The following CRMP1 variants were observed in gnomAD, a reference collection of about 807,000 sequenced individuals.
CRMP1 encodes collapsin response mediator protein 1.
CRMP1 carries 19 observed loss-of-function variants against 68.3 expected under a neutral mutation model. That is an observed-to-expected ratio of 0.28 (90% CI 0.19 to 0.41). The LOEUF (loss-of-function observed/expected upper bound fraction) is 0.41, where lower values mean the gene tolerates loss of function less well. Ranked by LOEUF, CRMP1 falls within the 10% of genes least tolerant of loss-of-function variation. The pLI, the probability that CRMP1 is intolerant of heterozygous loss-of-function variation, is 1.00. For missense variants in CRMP1, 791 were observed against 967.4 expected (o/e 0.82, Z 2.42); for synonymous variants, 439 against 399.6 (o/e 1.10, Z -1.18).
intron 9 of CRMP1, among the ~76,000 whole-genome samples, chr4:5,839,113 T>C (rs1720919580): frequency 6.6e-6 from 1 of 152,186 alleles, no homozygotes; most frequent in South Asian, 2.1e-4. Flanking sequence ...CACTGTCCCA[T>C]AGGCAGCTCT....
rs966090877 is a variant in CRMP1, at chr4:5,888,625, G to A, written c.381+3964C>T. 1.1e-6 allele frequency: 1 copy of A among 894,872 alleles called. No individual in the cohort carries two copies. Among genetic ancestry groups the A allele is most frequent in the Non-Finnish European group, 1.3e-6 (1 of 787,902 alleles). The allele number at this position is 894,872 out of a possible 1,614,324, so 55.4% of individuals were successfully genotyped here. ...CGCTTCCCTTCCGATCTCCCACCCC[G>A]CCCCCCGCCCCCCACCCGCCCAGCC... is the stretch of plus-strand genomic sequence containing the variant. On this transcript the variant is annotated intron_variant, in intron 1 of 13. Coordinates refer to ENST00000324989, the MANE Select transcript of CRMP1 (RefSeq NM_001014809.3). This position sits in a 1 kb window ranked among gnomAD's most constrained non-coding sequence, Gnocchi z 6.4.
rs1713375852 is a variant in CRMP1, at chr4:5,859,467, A to G, written c.655+1559T>C. 6.6e-6 allele frequency among the ~76,000 whole-genome samples: 1 copy of G among 152,114 alleles called. No homozygotes were observed. The highest frequency in any genetic ancestry group is 2.4e-5 in the African/African-American group (1 of 41,412). On this transcript the variant is annotated intron_variant, in intron 3 of 13. Coordinates refer to ENST00000324989, the MANE Select transcript of CRMP1 (RefSeq NM_001014809.3). This position sits in a 1 kb window ranked among gnomAD's most constrained non-coding sequence, Gnocchi z 5.2. ...TCCTGAACCCAGAACTTCCATGCCC[A>G]TCTCTCAGAACTCTCATGTCCCATG...
At chr4:5,833,531 C>T (rs1209330372) in intron 11 of CRMP1, among the ~76,000 whole-genome samples, 2 of 143,016 alleles carry the variant, frequency 1.4e-5, no homozygotes, top group South Asian at 2.2e-4. Flanking sequence ...TTTATAACAG[C>T]GTCCAGAGGA....
At position 5,879,175 on chromosome 4, in the gene CRMP1, C is replaced by T. The variant is rs1010752118; in HGVS notation, c.382-12419G>A. On this transcript the variant is annotated intron_variant, in intron 1 of 13. Transcript: ENST00000324989. This position sits in a 1 kb window ranked among gnomAD's most constrained non-coding sequence, Gnocchi z 4.2. The stretch of plus-strand genomic sequence containing the variant: ...CCTGAGCCCGGCCCTCTCTCGGCCG[C>T]GCCCCACCACATCTATCTACGCACA... Among the ~76,000 whole-genome samples, 2 of 152,272 alleles carry T rather than the reference C, an allele frequency of 1.3e-5. No individual in the cohort carries two copies. The highest frequency in any genetic ancestry group is 2.4e-5 in the African/African-American group (1 of 41,544).
chr4:5,824,789 C>CAAAG, intron 13 of CRMP1: 2 of 985,242 alleles, frequency 2.0e-6, no homozygotes, highest in Non-Finnish European at 2.4e-6. Flanking sequence ...TGCAACGCCT[C>CAAAG]AAAGAGTTTG....
chr4:5,827,613 C>G (rs960119288), intron 12 of CRMP1, among the ~76,000 whole-genome samples: 1 of 151,920 alleles, frequency 6.6e-6, no homozygotes, highest in Non-Finnish European at 1.5e-5. Context: ...CTCGCATACA[C>G]ACACGCGCAC....
rs757384732 is a variant in CRMP1 at position 5,828,509 on chromosome 4, G to A, written c.1783C>T (p.Arg595Cys). 5.6e-6 allele frequency: 9 copies of A among 1,614,166 alleles called. No homozygotes were observed. The highest frequency in any genetic ancestry group is 3.3e-5 in the South Asian group (3 of 91,078). ...RKAFPEHLYQ[R>C]VKIRNKVFGL... ...CTCACCTTATTCCTGATTTTGACGC[G>A]CTGGTACAGGTGCTCCGGGAACGCC... The change falls in exon 12 of 14, where the codon CGC becomes TGC. Residue 595 changes from arginine (R) to cysteine (C), a missense_variant. Arg to Cys is a radical substitution (Grantham distance 180, BLOSUM62 -3). Transcript: ENST00000324989.
chr4:5,831,753 C>T (rs1295893939), intron 11 of CRMP1, among the ~76,000 whole-genome samples: 1 of 152,172 alleles, frequency 6.6e-6, no homozygotes, highest in African/African-American at 2.4e-5. Context: ...CTGCATTTCA[C>T]AAGAACACTG....
intron 12 of CRMP1, chr4:5,826,844 C>T (rs1002533775): frequency 1.3e-5 from 2 of 152,466 alleles, no homozygotes; most frequent in African/African-American, 2.4e-5. Flanking sequence ...TCCTGTCTCT[C>T]CATAGGAGGA....
chr4:5,830,595 G>A lies in CRMP1; in HGVS notation c.1624-1927C>T, dbSNP rs114835907. On this transcript the variant is annotated intron_variant, in intron 11 of 13. Coordinates refer to ENST00000324989, the MANE Select transcript of CRMP1 (RefSeq NM_001014809.3). Reference sequence around the variant, plus strand: ...TAACACAATTGGATGAGTAACTATCGTTTCCTAATTCTAATTGTCTCCTTT... The same window carrying A: ...TAACACAATTGGATGAGTAACTATCATTTCCTAATTCTAATTGTCTCCTTT... Among the ~76,000 whole-genome samples the A allele has an allele frequency of 1.8e-3, 280 of 152,294 alleles. 2 individuals carry two copies. Among genetic ancestry groups the A allele is most frequent in the African/African-American group, 6.4e-3 (266 of 41,576 alleles).
chr4:5,837,671 A>AAT (rs1720816843), intron 9 of CRMP1, among the ~76,000 whole-genome samples: 1 of 110,700 alleles, frequency 9.0e-6, no homozygotes, highest in East Asian at 2.8e-4. Flanking sequence ...AATAAAATAA[A>AAT]ATAAAATAAA....
rs1427200238 is a variant in CRMP1, at chr4:5,838,888, C to T, written c.1310+634G>A. ...TCCAGAAAGCCTTCTGCAAGCCTCC[C>T]GGTGGGTTCTGAGCATGCGTCTCTG... On this transcript the variant is annotated intron_variant, in intron 9 of 13. Transcript: ENST00000324989. The surrounding 1 kb of genome is among the most constrained non-coding windows in gnomAD (Gnocchi z 4.9). Among the ~76,000 whole-genome samples the T allele has an allele frequency of 1.3e-5, 2 of 152,162 alleles. No individual in the cohort carries two copies. The highest frequency in any genetic ancestry group is 1.3e-4 in the Admixed American group (2 of 15,288).
At position 5,888,620 on chromosome 4, in the gene CRMP1, AC is replaced by A. The variant is rs1715780348; in HGVS notation, c.381+3968del. Reference sequence around the variant, plus strand: ...GGAAGCGCTTCCCTTCCGATCTCCCACCCCGCCCCCCGCCCCCCACCCGCCC... The same window carrying A: ...GGAAGCGCTTCCCTTCCGATCTCCCACCCGCCCCCCGCCCCCCACCCGCCC... On this transcript the variant is annotated intron_variant, in intron 1 of 13. Coordinates refer to ENST00000324989, the MANE Select transcript of CRMP1 (RefSeq NM_001014809.3). The surrounding 1 kb of genome is among the most constrained non-coding windows in gnomAD (Gnocchi z 6.4). 2.7e-6 allele frequency: 2 copies of A among 752,450 alleles called. No individual in the cohort carries two copies. Among genetic ancestry groups the A allele is most frequent in the Non-Finnish European group, 3.2e-6 (2 of 633,984 alleles). 46.6% of individuals were successfully genotyped at this position (752,450 alleles called of 1,614,324 possible). A position where few individuals can be genotyped will look rare whatever the true frequency, so the allele number is the denominator to read the frequency against.
chr4:5,836,149 G>C (rs1242112794), intron 10 of CRMP1, 64 bp from the exon 11 acceptor site: 3 of 1,331,976 alleles, frequency 2.3e-6, no homozygotes, highest in Non-Finnish European at 2.9e-6. Flanking sequence ...GGGGCAGCTG[G>C]GCACAAATGG....
chr4:5,845,170 C>T (rs954275982), intron 6 of CRMP1, among the ~76,000 whole-genome samples: 3 of 152,208 alleles, frequency 2.0e-5, no homozygotes, highest in Non-Finnish European at 4.4e-5. Flanking sequence ...GCAGCAACTT[C>T]TAAGATGACT....
At chr4:5,822,210 A>G (rs886646109) in intron 13 of CRMP1, among the ~76,000 whole-genome samples, 1 of 152,234 alleles carries the variant, frequency 6.6e-6, no homozygotes, top group Non-Finnish European at 1.5e-5. Context: ...GCACACAATC[A>G]TACTATGAAG....
At position 5,841,282 on chromosome 4, in the gene CRMP1, C is replaced by A. The variant is rs754376510; in HGVS notation, c.1153+26G>T. 3.1e-6 allele frequency: 5 copies of A among 1,613,668 alleles called. No homozygotes were observed. The African/African-American group carries it at 4.0e-5, about 13-fold the overall frequency. On this transcript the variant is annotated intron_variant, in intron 8 of 13. Transcript: ENST00000324989. The surrounding 1 kb of genome is among the most constrained non-coding windows in gnomAD (Gnocchi z 6.9). ...CCCCCTTCCAGGCCCCAGCTGCCCCCAGAAGGCCCAGGGCCGGCTGCATAC... is the reference window on the plus strand; with the variant it reads ...CCCCCTTCCAGGCCCCAGCTGCCCCAAGAAGGCCCAGGGCCGGCTGCATAC...
At chr4:5,831,313 A>G (rs1026589367) in intron 11 of CRMP1, among the ~76,000 whole-genome samples, 9 of 151,902 alleles carry the variant, frequency 5.9e-5, no homozygotes, top group African/African-American at 2.2e-4. Context: ...GTGATTTTTG[A>G]TTCTTCCATA....
At chr4:5,856,838 T>C in intron 3 of CRMP1, among the ~76,000 whole-genome samples, 1 of 140,654 alleles carries the variant, frequency 7.1e-6, no homozygotes, top group African/African-American at 2.7e-5. Context: ...TCCACTATTA[T>C]CACCACTATC....
Sources: allele counts gnomAD v4.1 joint callset (sites outside exome capture counted in the v4.1 genomes callset), GRCh38; gene constraint gnomAD v4.1.1; non-coding constraint Gnocchi (gnomAD v3.1); transcripts MANE v1.5; gene names NCBI Gene and HGNC (gene_info 2026-07-23, HGNC 2026-07-21).